ODAD3: variants seen among roughly 807,000 people sequenced by gnomAD.
ODAD3 encodes outer dynein arm-docking complex subunit 3.
A neutral mutation model predicts 70.9 loss-of-function variants in ODAD3; 57 were observed. The observed-to-expected ratio is 0.80, with a 90% CI of 0.65 to 1.00. ODAD3 has a LOEUF of 1.00. Among genes scored for constraint, ODAD3 ranks in the 50% least tolerant of loss-of-function variants. The probability of loss-of-function intolerance (pLI) is 0.00; values close to 1 mark genes in which losing one functional copy is unlikely to be tolerated. For missense variants in ODAD3, 797 were observed against 763.9 expected, an observed-to-expected ratio of 1.04 and a Z score of -0.51; for synonymous variants, 327 against 315.9, an observed-to-expected ratio of 1.04 and a Z score of -0.37.
At chr19:11,425,664 T>TACGTATATACGC (rs1969351662) in intron 7 of ODAD3, among the ~76,000 whole-genome samples, 1 of 131,562 alleles carries the variant, frequency 7.6e-6, no homozygotes, top group African/African-American at 3.8e-5. Flanking sequence ...TATATATATA[T>TACGTATATACGC]ATATATGCAA....
At chr19:11,434,247 T>G (rs1243729252) in intron 1 of ODAD3, among the ~76,000 whole-genome samples, 39 of 138,070 alleles carry the variant, frequency 2.8e-4, no homozygotes, top group African/African-American at 4.7e-4. Context: ...AAAACGCGGG[T>G]GCAGTGGCTC....
At chr19:11,421,562 C>T in intron 11 of ODAD3, 115 bp downstream of exon 11, 3 of 1,374,014 alleles carry the variant, frequency 2.2e-6, no homozygotes, top group Non-Finnish European at 3.0e-6. Flanking sequence ...CCCGAGACCC[C>T]TTCCTGGCTG....
In ODAD3 at chr19:11,430,630, G is replaced by A. The variant is rs1599466443; in HGVS notation, c.444+69C>T. ...GTGCAGGAAGGATTGGAGAGGGTGA[G>A]CCTGGAGTCCAGTGGTGAGGGGACC... On this transcript the variant is annotated intron_variant, in intron 3 of 12. Transcript: ENST00000356392. 6 of 1,440,370 alleles carry A rather than the reference G, an allele frequency of 4.2e-6. 1 individual carries two copies. The South Asian group carries it at 4.6e-5, about 11-fold the overall frequency. The allele number at this position is 1,440,370 out of a possible 1,614,324, so 89.2% of individuals were successfully genotyped here.
At position 11,422,688 on chromosome 19, in the gene ODAD3, C is replaced by G; in HGVS notation, c.1277+13G>C. On this transcript the variant is annotated intron_variant, in intron 9 of 12. Coordinates refer to ENST00000356392, the MANE Select transcript of ODAD3 (RefSeq NM_145045.5). The surrounding 1 kb of genome is among the most constrained non-coding windows in gnomAD (Gnocchi z 4.6). Reference sequence around the variant, plus strand: ...CCCGCCCCGCCGCCCTCCCCAGAGCCCCGGTGCCTCACCTCACCAGCGTGG... The same window carrying G: ...CCCGCCCCGCCGCCCTCCCCAGAGCGCCGGTGCCTCACCTCACCAGCGTGG... 1 of 1,611,178 alleles carries G rather than the reference C, an allele frequency of 6.2e-7. No homozygotes were observed. Among genetic ancestry groups the G allele is most frequent in the Non-Finnish European group, 8.5e-7 (1 of 1,179,222 alleles).
upstream of ODAD3, chr19:11,435,350 T>G: frequency 1.9e-6 from 1 of 522,114 alleles, no homozygotes; most frequent in Non-Finnish European, 3.2e-6. Context: ...TCCGTTTCCC[T>G]ACCTCCCCCA....
In ODAD3 at chr19:11,422,802, C is replaced by G. The variant is rs775975150; in HGVS notation, c.1176G>C (p.Lys392Asn). The stretch of plus-strand genomic sequence containing the variant: ...TCACCAACGTCTGCTCGTTCTCGCT[C>G]TTGAGCGTCTCCAACTGCGCGAAGG... ...GDTFAQLETL[K>N]SENEQTLVRL... The change falls in exon 9 of 13, where the codon AAG (lysine) becomes AAC (asparagine). Residue 392 changes from lysine (K) to asparagine (N), a missense_variant. Physicochemically the swap from Lys to Asn is moderately conservative, Grantham distance 94 (BLOSUM62 0). Transcript: ENST00000356392. This position sits in a 1 kb window ranked among gnomAD's most constrained non-coding sequence, Gnocchi z 4.6. 2.5e-6 allele frequency: 4 copies of G among 1,609,678 alleles called. No homozygotes were observed. Among genetic ancestry groups the G allele is most frequent in the East Asian group, 4.5e-5 (2 of 44,886 alleles).
chr19:11,435,487 C>T (rs977343817), upstream of ODAD3: 5 of 386,608 alleles, frequency 1.3e-5, no homozygotes, highest in African/African-American at 7.5e-5. Context: ...GAACTATCCT[C>T]TCTAAGGTTT....
chr19:11,434,649 G>T, intron 1 of ODAD3, 124 bp downstream of exon 1: 2 of 1,221,198 alleles, frequency 1.6e-6, no homozygotes, highest in Non-Finnish European at 2.3e-6. Context: ...CATGAACTAA[G>T]TATGAGTTTT....
Position 11,422,818 on chromosome 19 carries a change from T to G in ODAD3, c.1160A>C (p.Gln387Pro). The change falls in exon 9 of 13, where the codon CAG (glutamine) becomes CCG (proline). Residue 387 changes from glutamine (Q) to proline (P), a missense_variant. Gln to Pro is a moderately conservative substitution (Grantham distance 76). Coordinates refer to ENST00000356392, the MANE Select transcript of ODAD3 (RefSeq NM_145045.5). This position sits in a 1 kb window ranked among gnomAD's most constrained non-coding sequence, Gnocchi z 4.6. ...RFLAQGDTFA[Q>P]LETLKSENEQ... ...GTTCTCGCTCTTGAGCGTCTCCAACTGCGCGAAGGTGTCGCCCTGGGCCAG... is the reference window on the plus strand; with the variant it reads ...GTTCTCGCTCTTGAGCGTCTCCAACGGCGCGAAGGTGTCGCCCTGGGCCAG... 1 of 1,607,666 alleles carries G rather than the reference T, an allele frequency of 6.2e-7. No individual in the cohort carries two copies. Among genetic ancestry groups the G allele is most frequent in the Non-Finnish European group, 8.5e-7 (1 of 1,179,872 alleles).
chr19:11,427,575 A>G (rs1251914327), intron 3 of ODAD3, among the ~76,000 whole-genome samples: 2 of 148,124 alleles, frequency 1.4e-5, no homozygotes, highest in Non-Finnish European at 3.0e-5. Flanking sequence ...TCCATCTCCT[A>G]GGTTCAAGCA....
Position 11,426,138 on chromosome 19 carries a change from G to A in ODAD3, c.963+6C>T, listed in dbSNP as rs745877342. On this transcript the variant is annotated splice_donor_region_variant and intron_variant, in intron 7 of 12. Coordinates refer to ENST00000356392, the MANE Select transcript of ODAD3 (RefSeq NM_145045.5). ...GTCACAGGCGCGCACCCCTGGGTGC[G>A]CCCACCTTGCGCTCCATGCGCTCGT... 7 of 1,600,552 alleles carry A rather than the reference G, an allele frequency of 4.4e-6. No individual in the cohort carries two copies. The highest frequency in any genetic ancestry group is 3.4e-6 in the Non-Finnish European group (4 of 1,176,302).
Position 11,422,535 on chromosome 19 carries a change from CG to C in ODAD3, c.1369del (p.Arg457GlyfsTer17). On this transcript the variant is annotated frameshift_variant, in exon 10 of 13. Transcript: ENST00000356392. LOFTEE classifies it high-confidence loss of function. This position sits in a 1 kb window ranked among gnomAD's most constrained non-coding sequence, Gnocchi z 4.6. Reference protein sequence around the residue: ...EAKDQLERALRAMQVAKDSLE... With the variant: ...EAKDQLERALXAMQVAKDSLE... ...GCTGTCCTTGGCCACTTGCATCGCC[CG>C]CAAGGCGCGCTCCAGCTGGTCCTTG... 6.3e-7 allele frequency: 1 copy of C among 1,591,232 alleles called. No homozygotes were observed. The highest frequency in any genetic ancestry group is 1.8e-5 in the Admixed American group (1 of 56,352).
Position 11,421,251 on chromosome 19 carries a change from G to A in ODAD3, c.1591-39C>T, listed in dbSNP as rs770339023. 5 of 1,569,364 alleles carry A rather than the reference G, an allele frequency of 3.2e-6. No homozygotes were observed. In the South Asian group the frequency reaches 5.7e-5, roughly 18 times the overall value. On this transcript the variant is annotated intron_variant, in intron 11 of 12. Coordinates refer to ENST00000356392, the MANE Select transcript of ODAD3 (RefSeq NM_145045.5). ...GGAAGCGAGAGAGGAAGGTGGGCGG[G>A]GCCAGGGGCCACCGAGAAGTCACGT...
chr19:11,431,186 A>T (rs765052833), intron 1 of ODAD3, 166 bp from the exon 2 acceptor site: 1 of 821,932 alleles, frequency 1.2e-6, no homozygotes, highest in Non-Finnish European at 1.9e-6. Flanking sequence ...ATCTCGGCTC[A>T]CCACAGCCTC....
rs749777884 is a variant in ODAD3, at chr19:11,426,640, C to T, written c.714+43G>A. 4 of 1,613,360 alleles carry T rather than the reference C, an allele frequency of 2.5e-6. No homozygotes were observed. The African/African-American group carries it at 5.3e-5, about 22-fold the overall frequency. ...TGACTGCTGTCCCTAGCCAAGCCCG[C>T]CCTCCCTGTTTGTCATCTCACCCGA... On this transcript the variant is annotated intron_variant, in intron 5 of 12. Coordinates refer to ENST00000356392, the MANE Select transcript of ODAD3 (RefSeq NM_145045.5).
chr19:11,435,544 C>T, upstream of ODAD3: 1 of 571,450 alleles, frequency 1.7e-6, no homozygotes, highest in Non-Finnish European at 2.9e-6. Flanking sequence ...ACCGCCCCCA[C>T]TCCTGCCTCT....
intron 7 of ODAD3, among the ~76,000 whole-genome samples, chr19:11,425,558 T>G (rs1350422214): frequency 7.4e-6 from 1 of 135,550 alleles, no homozygotes; most frequent in East Asian, 2.0e-4. Context: ...TATATATGTA[T>G]ATATGTGTGT....
intron 3 of ODAD3, among the ~76,000 whole-genome samples, chr19:11,427,472 T>C (rs185740298): frequency 5.8e-4 from 73 of 126,570 alleles, no homozygotes; most frequent in Middle Eastern, 3.7e-3. Context: ...TTTTTGTTTT[T>C]GTTTTCTTTT....
chr19:11,435,341 C>T, upstream of ODAD3: 1 of 572,558 alleles, frequency 1.7e-6, no homozygotes. Flanking sequence ...CGTGCTCATT[C>T]CGTTTCCCTA....
Sources: gnomAD v4.1 joint callset for allele counts (sites outside exome capture counted in the v4.1 genomes callset) on GRCh38, gnomAD v4.1.1 for gene constraint, Gnocchi (gnomAD v3.1) non-coding constraint, MANE v1.5 for transcripts, NCBI Gene and HGNC (gene_info 2026-07-23, HGNC 2026-07-21) for gene names.